Variants in DOCK3 observed in about 807,000 individuals in gnomAD.
The protein encoded by DOCK3 is dedicator of cytokinesis 3.
DOCK3 carries 60 observed loss-of-function variants against 265.6 expected under a neutral mutation model. The observed-to-expected ratio is 0.23, with a 90% CI of 0.18 to 0.28. The LOEUF is 0.28. Among genes scored for constraint, DOCK3 ranks in the 10% least tolerant of loss-of-function variants. The pLI, the probability that DOCK3 is intolerant of heterozygous loss-of-function variation, is 1.00. For missense variants in DOCK3, 1,981 were observed against 2,594.3 expected (o/e 0.76, Z 5.14); for synonymous variants, 881 against 938.0 (o/e 0.94, Z 1.11).
At chr3:51,044,720 A>G (rs2080691000) in intron 5 of DOCK3, among the ~76,000 whole-genome samples, 1 of 152,126 alleles carries the variant, frequency 6.6e-6, no homozygotes, top group Non-Finnish European at 1.5e-5. Context: ...GATCTTCTGA[A>G]TAACTTGCTA....
At chr3:50,905,387 T>C (rs1199786484) in intron 4 of DOCK3, among the ~76,000 whole-genome samples, 2 of 152,084 alleles carry the variant, frequency 1.3e-5, no homozygotes, top group Non-Finnish European at 2.9e-5. Context: ...CTTCTTCCTA[T>C]CCATGAGCAT....
chr3:50,882,458 C>G (rs537431159), intron 3 of DOCK3, among the ~76,000 whole-genome samples: 2 of 152,032 alleles, frequency 1.3e-5, no homozygotes, highest in African/African-American at 4.8e-5. Flanking sequence ...TGGGCAAAGG[C>G]TATGAACAGA....
At position 50,882,326 on chromosome 3, in the gene DOCK3, A is replaced by G. The variant is rs146662777; in HGVS notation, c.163-7700A>G. Among the ~76,000 whole-genome samples the G allele has an allele frequency of 6.1e-3, 924 of 152,288 alleles. 26 individuals are homozygous for G. The highest frequency in any genetic ancestry group is 0.043 in the East Asian group (225 of 5,188). ...AAAGAAACTACCATCAGAGTGAACA[A>G]GCAACTTACAGAATGGGAGAACAGT... On this transcript the variant is annotated intron_variant, in intron 3 of 52. Transcript: ENST00000266037.
At position 51,381,548 on chromosome 3, in the gene DOCK3, G is replaced by C. The variant is rs782714296; in HGVS notation, c.6082G>C (p.Gly2028Arg). The C allele has an allele frequency of 3.5e-5, 53 of 1,535,136 alleles. No individual in the cohort carries two copies. The highest frequency in any genetic ancestry group is 4.1e-5 in the Non-Finnish European group (47 of 1,144,192). Residue 2028 changes from glycine (G) to arginine (R), a missense_variant, in exon 53 of 53, where the codon GGG becomes CGG. Around this residue, in one of 4 missense-constraint regions of DOCK3, gnomAD observed 149 missense variants for 144.7 expected, o/e 1.03. Coordinates refer to ENST00000266037, the MANE Select transcript of DOCK3 (RefSeq NM_004947.5). The surrounding 1 kb of genome is among the most constrained non-coding windows in gnomAD (Gnocchi z 5.6). Reference protein sequence around the residue: ...QARMAWEHGRGEQ With the variant: ...QARMAWEHGRREQ ...CCGCATGGCCTGGGAGCACGGCCGA[G>C]GGGAGCAGTGAGGGGCAACGAGGCG...
At chr3:50,927,289 T>G (rs2050806248) in intron 4 of DOCK3, among the ~76,000 whole-genome samples, 2 of 152,004 alleles carry the variant, frequency 1.3e-5, no homozygotes, top group African/African-American at 4.8e-5. Context: ...GAGTGGGGGA[T>G]GAGGAGGGAT....
At chr3:50,795,424 C>T (rs1183234997) in intron 2 of DOCK3, among the ~76,000 whole-genome samples, 1 of 152,078 alleles carries the variant, frequency 6.6e-6, no homozygotes, top group Non-Finnish European at 1.5e-5. Flanking sequence ...GCTCTGTTGC[C>T]AGGCTGGAGT....
chr3:50,942,254 A>G (rs558760326), intron 5 of DOCK3, among the ~76,000 whole-genome samples: 1 of 152,162 alleles, frequency 6.6e-6, no homozygotes, highest in Admixed American at 6.5e-5. Flanking sequence ...TTTCTTCCTG[A>G]TATCACATTC....
Position 51,381,465 on chromosome 3 carries a change from C to T in DOCK3, c.5999C>T (p.Pro2000Leu). Residue 2000 changes from proline to leucine, a missense_variant, in exon 53 of 53, where the codon CCT (proline) becomes CTT (leucine). Transcript: ENST00000266037. The surrounding 1 kb of genome is among the most constrained non-coding windows in gnomAD (Gnocchi z 5.6). The part of the protein sequence containing the change: ...GVLLREETER[P>L]RGLHRKAPLP... ...CTGCTGCGTGAAGAGACTGAGAGGCCTCGAGGCCTGCACCGCAAGGCTCCA... is the reference window on the plus strand; with the variant it reads ...CTGCTGCGTGAAGAGACTGAGAGGCTTCGAGGCCTGCACCGCAAGGCTCCA... 1 of 1,597,970 alleles carries T rather than the reference C, an allele frequency of 6.3e-7. No homozygotes were observed. The highest frequency in any genetic ancestry group is 1.1e-5 in the South Asian group (1 of 89,434).
intron 37 of DOCK3, among the ~76,000 whole-genome samples, chr3:51,340,807 C>G (rs1429366702): frequency 6.6e-6 from 1 of 152,122 alleles, no homozygotes; most frequent in Admixed American, 6.5e-5. Context: ...GGTCTAGTAT[C>G]AATTTAGGTT....
At position 51,314,949 on chromosome 3, in the gene DOCK3, G is replaced by C. The variant is rs1261080264; in HGVS notation, c.3254-31G>C. 3 of 1,578,574 alleles carry C rather than the reference G, an allele frequency of 1.9e-6. No individual in the cohort carries two copies. In the South Asian group the frequency reaches 3.5e-5, roughly 18 times the overall value. On this transcript the variant is annotated intron_variant, in intron 31 of 52. Transcript: ENST00000266037. ...AATCTTCCATGGAAGGAGCAAAGCA[G>C]GCATAAACTAATTTGGGTTTTGTTT...
At chr3:51,018,626 G>C (rs556175938) in intron 5 of DOCK3, among the ~76,000 whole-genome samples, 5 of 151,706 alleles carry the variant, frequency 3.3e-5, no homozygotes, top group African/African-American at 7.3e-5. Flanking sequence ...GTCTAGACAC[G>C]CAATTCATTT....
intron 23 of DOCK3, among the ~76,000 whole-genome samples, chr3:51,269,235 T>C (rs1272001522): frequency 2.0e-5 from 3 of 149,986 alleles, no homozygotes; most frequent in African/African-American, 7.3e-5. Context: ...TATTATTCAG[T>C]TAGACTTTAT....
At chr3:51,025,952 T>A (rs1025577924) in intron 5 of DOCK3, among the ~76,000 whole-genome samples, 1 of 152,172 alleles carries the variant, frequency 6.6e-6, no homozygotes, top group African/African-American at 2.4e-5. Context: ...ACTTAGTTTT[T>A]CACCTGTCTC....
intron 49 of DOCK3, among the ~76,000 whole-genome samples, chr3:51,373,099 A>T (rs746741643): frequency 6.6e-6 from 1 of 152,228 alleles, no homozygotes; most frequent in Non-Finnish European, 1.5e-5. Context: ...TGACTTCTTC[A>T]AAGTATTTTA....
chr3:50,943,390 G>A (rs1028880281), intron 5 of DOCK3, among the ~76,000 whole-genome samples: 4 of 151,988 alleles, frequency 2.6e-5, no homozygotes, highest in African/African-American at 9.7e-5. Context: ...GTGCTTACAT[G>A]TGAAGAGCCA....
chr3:50,767,033 G>A (rs1462180182), intron 1 of DOCK3, among the ~76,000 whole-genome samples: 2 of 152,022 alleles, frequency 1.3e-5, no homozygotes, highest in East Asian at 1.9e-4. Context: ...TTGTCAGATG[G>A]GTAGATTGCG....
At chr3:50,798,575 AT>A (rs540669729) in intron 2 of DOCK3, among the ~76,000 whole-genome samples, 149 of 146,366 alleles carry the variant, frequency 1.0e-3, no homozygotes, top group East Asian at 6.2e-3. Flanking sequence ...TTGTAATTGG[AT>A]TTTTTTTTTT....
intron 27 of DOCK3, among the ~76,000 whole-genome samples, chr3:51,293,209 C>G (rs2081887597): frequency 6.6e-6 from 1 of 152,140 alleles, no homozygotes; most frequent in African/African-American, 2.4e-5. Flanking sequence ...AGGCATCACT[C>G]TACCATATTT....
chr3:51,321,833 A>T (rs1241546781), intron 32 of DOCK3, among the ~76,000 whole-genome samples: 2 of 152,220 alleles, frequency 1.3e-5, no homozygotes, highest in East Asian at 3.8e-4. Context: ...ACTCTGTGAA[A>T]AGACCAAATA....
Sources: allele counts gnomAD v4.1 joint callset (sites outside exome capture counted in the v4.1 genomes callset), GRCh38; gene constraint gnomAD v4.1.1; regional missense constraint gnomAD v4.1.1; non-coding constraint Gnocchi (gnomAD v3.1); transcripts MANE v1.5; gene names NCBI Gene and HGNC (gene_info 2026-07-23, HGNC 2026-07-21).